EDIL3: variants seen among roughly 807,000 people sequenced by gnomAD.
EDIL3 encodes EGF like and discoidin domains 3.
In EDIL3, 37 loss-of-function variants were observed where a neutral mutation model predicts 67.4. The observed-to-expected ratio is 0.55, with a 90% confidence interval of 0.42 to 0.72. The LOEUF (loss-of-function observed/expected upper bound fraction) is 0.72, where lower values mean the gene tolerates loss of function less well. EDIL3 is among the 30% of genes least tolerant of loss of function. The pLI is 0.00. For synonymous variants in EDIL3, 195 were observed against 196.3 expected, an observed-to-expected ratio of 0.99 and a Z score of 0.05; for missense variants, 527 against 586.3, an observed-to-expected ratio of 0.90 and a Z score of 1.04.
chr5:84,294,384 C>CAAA (rs1173407354), intron 1 of EDIL3, among the ~76,000 whole-genome samples: 36 of 31,776 alleles, frequency 1.1e-3, no homozygotes, highest in African/African-American at 2.4e-3. Context: ...GACTCTGTCT[C>CAAA]AAAAAAAAAA....
At chr5:84,162,119 AGGGGCTCACAT>A (rs1158311750) in intron 4 of EDIL3, among the ~76,000 whole-genome samples, 1 of 152,100 alleles carries the variant, frequency 6.6e-6, no homozygotes, top group East Asian at 1.9e-4. Flanking sequence ...GATATGGAGA[AGGGGCTCACAT>A]GGGGCCTAGA....
At chr5:84,007,312 A>C (rs1745436394) in intron 9 of EDIL3, among the ~76,000 whole-genome samples, 1 of 152,224 alleles carries the variant, frequency 6.6e-6, no homozygotes, top group Non-Finnish European at 1.5e-5. Flanking sequence ...ACAGCAAAGG[A>C]AGCAATCAAC....
chr5:84,234,291 C>A (rs1424560332), intron 2 of EDIL3, among the ~76,000 whole-genome samples: 1 of 152,106 alleles, frequency 6.6e-6, no homozygotes, highest in East Asian at 1.9e-4. Context: ...CAGGACATTC[C>A]ACCAGTGTAC....
chr5:84,208,798 AT>A (rs1561221525), intron 3 of EDIL3, among the ~76,000 whole-genome samples: 2 of 151,468 alleles, frequency 1.3e-5, no homozygotes, highest in African/African-American at 4.8e-5. Flanking sequence ...TAGTTCAACC[AT>A]TGTGGAAGTC....
intron 6 of EDIL3, among the ~76,000 whole-genome samples, chr5:84,104,879 T>C (rs1369970514): frequency 6.6e-6 from 1 of 152,042 alleles, no homozygotes; most frequent in Non-Finnish European, 1.5e-5. Context: ...ATAAGGTGTT[T>C]CTCAGAGTAA....
At position 84,038,096 on chromosome 5, in the gene EDIL3, G is replaced by A. The variant is rs564126604; in HGVS notation, c.1137+22204C>T. On this transcript the variant is annotated intron_variant, in intron 9 of 10. Transcript: ENST00000296591. ...CAGCTCACTGCAAACTCTGCCTCCC[G>A]GGTTCAAGCAATTCTCGTGCTTCAG... Among the ~76,000 whole-genome samples, 295 of 146,304 alleles carry A rather than the reference G, an allele frequency of 2.0e-3. 2 individuals are homozygous for A. Among genetic ancestry groups the A allele is most frequent in the African/African-American group, 7.0e-3 (271 of 38,902 alleles).
chr5:84,268,449 T>C (rs1479720821), intron 1 of EDIL3, among the ~76,000 whole-genome samples: 5 of 152,174 alleles, frequency 3.3e-5, no homozygotes, highest in African/African-American at 1.2e-4. Flanking sequence ...ATTTAAAGCA[T>C]ACATATTTAA....
intron 1 of EDIL3, among the ~76,000 whole-genome samples, chr5:84,358,578 T>C (rs986508308): frequency 1.3e-5 from 2 of 149,688 alleles, no homozygotes; most frequent in African/African-American, 4.9e-5. Context: ...CATAAGACAG[T>C]ATTCATTTTT....
At position 84,314,966 on chromosome 5, in the gene EDIL3, A is replaced by T. The variant is rs189728651; in HGVS notation, c.68-60754T>A. On this transcript the variant is annotated intron_variant, in intron 1 of 10. Coordinates refer to ENST00000296591, the MANE Select transcript of EDIL3 (RefSeq NM_005711.5). ...TTGTAGGAATAGGGTAATAGGAAGC[A>T]TAATGTGTGCTACTAAGTGTTCACA... 4.7e-3 allele frequency among the ~76,000 whole-genome samples: 722 copies of T among 152,272 alleles called. 4 individuals are homozygous for T. Among genetic ancestry groups the T allele is most frequent in the Non-Finnish European group, 7.0e-3 (475 of 68,002 alleles).
chr5:84,052,375 T>G (rs1351896590), intron 9 of EDIL3, among the ~76,000 whole-genome samples: 1 of 152,056 alleles, frequency 6.6e-6, no homozygotes, highest in Non-Finnish European at 1.5e-5. Context: ...GTAAAGACCA[T>G]CAATGCTAGG....
chr5:84,106,635 A>G lies in EDIL3; in HGVS notation c.651+14T>C, dbSNP rs1747468052. 6.3e-7 allele frequency: 1 copy of G among 1,590,296 alleles called. No homozygotes were observed. Among genetic ancestry groups the G allele is most frequent in the African/African-American group, 1.4e-5 (1 of 73,600 alleles). ...TGACTTATAACATTAACCTTGTCCC[A>G]TCCCATCTGTTACCTGAATCCACGG... is the stretch of plus-strand genomic sequence containing the variant. On this transcript the variant is annotated intron_variant, in intron 6 of 10. Coordinates refer to ENST00000296591, the MANE Select transcript of EDIL3 (RefSeq NM_005711.5).
chr5:84,106,911 T>G, intron 5 of EDIL3, 81 bp from the exon 6 acceptor site: 1 of 1,439,816 alleles, frequency 6.9e-7, no homozygotes, highest in Non-Finnish European at 9.3e-7. Context: ...TTGATAGGAT[T>G]TTTTTAAATG....
At chr5:84,249,030 C>T (rs954659314) in intron 2 of EDIL3, among the ~76,000 whole-genome samples, 1 of 152,066 alleles carries the variant, frequency 6.6e-6, no homozygotes, top group Admixed American at 6.6e-5. Flanking sequence ...AACACTGTAC[C>T]AAACTCTAGA....
chr5:84,171,614 T>C (rs1467185460), intron 4 of EDIL3, among the ~76,000 whole-genome samples: 1 of 152,232 alleles, frequency 6.6e-6, no homozygotes, highest in African/African-American at 2.4e-5. Context: ...GTAAACAAAG[T>C]TTGAATTCAA....
At chr5:84,303,806 CTCTGTGTG>C (rs1746207454) in intron 1 of EDIL3, among the ~76,000 whole-genome samples, 1 of 101,334 alleles carries the variant, frequency 9.9e-6, no homozygotes, top group Non-Finnish European at 2.2e-5. Flanking sequence ...CTCTCTCTCT[CTCTGTGTG>C]TGTGTGTGTG....
intron 1 of EDIL3, among the ~76,000 whole-genome samples, chr5:84,276,776 G>A (rs1488206439): frequency 6.6e-6 from 1 of 151,872 alleles, no homozygotes; most frequent in Non-Finnish European, 1.5e-5. Context: ...GTTTCACCAT[G>A]TTGGCCAGGC....
At chr5:84,120,221 T>C (rs1199546173) in intron 5 of EDIL3, among the ~76,000 whole-genome samples, 1 of 151,974 alleles carries the variant, frequency 6.6e-6, no homozygotes, top group Non-Finnish European at 1.5e-5. Flanking sequence ...AATAAAATAT[T>C]CTGGCTTTTT....
intron 3 of EDIL3, among the ~76,000 whole-genome samples, chr5:84,226,287 T>C (rs1455594860): frequency 6.6e-6 from 1 of 151,606 alleles, no homozygotes; most frequent in Non-Finnish European, 1.5e-5. Context: ...TCAATTCTAT[T>C]GGTGAAAGGA....
chr5:84,249,372 T>C (rs1744974654), intron 2 of EDIL3, among the ~76,000 whole-genome samples: 1 of 138,340 alleles, frequency 7.2e-6, no homozygotes, highest in Admixed American at 7.6e-5. Context: ...CATAACAACA[T>C]ATCTTTCTAT....
Sources: allele counts gnomAD v4.1 joint callset (sites outside exome capture counted in the v4.1 genomes callset), GRCh38; gene constraint gnomAD v4.1.1; transcripts MANE v1.5; gene names NCBI Gene and HGNC (gene_info 2026-07-23, HGNC 2026-07-21).